SLC24A2: variants seen among roughly 807,000 people sequenced by gnomAD.
The protein encoded by SLC24A2 is sodium/potassium/calcium exchanger 2.
Under a neutral mutation model 62.0 loss-of-function variants are expected in SLC24A2, and 36 were observed. The observed-to-expected ratio is 0.58, with a 90% confidence interval of 0.44 to 0.77. The LOEUF (loss-of-function observed/expected upper bound fraction) is 0.77, where lower values mean the gene tolerates loss of function less well. Ranked by LOEUF, SLC24A2 falls within the 30% of genes least tolerant of loss-of-function variation. SLC24A2 has a pLI of 0.00. For synonymous variants in SLC24A2, 358 were observed against 294.0 expected (o/e 1.22, Z -2.23); for missense variants, 846 against 817.9 (o/e 1.03, Z -0.42).
At chr9:19,606,658 GCA>G (rs537134225) in intron 4 of SLC24A2, among the ~76,000 whole-genome samples, 1 of 151,492 alleles carries the variant, frequency 6.6e-6, no homozygotes, top group East Asian at 1.9e-4. Context: ...ACACACACAC[GCA>G]CACACACACA....
At chr9:19,996,880 A>C in the SLC24A2 span, among the ~76,000 whole-genome samples, 4 of 152,140 alleles carry the variant, frequency 2.6e-5, no homozygotes, top group Admixed American at 2.6e-4. Context: ...ATAAGGAGCC[A>C]TTAGAAGGTA....
At chr9:19,942,048 C>A in the SLC24A2 span, among the ~76,000 whole-genome samples, 1 of 152,172 alleles carries the variant, frequency 6.6e-6, no homozygotes, top group Non-Finnish European at 1.5e-5. Context: ...ACTACTCTGA[C>A]TCTTCACTTT....
the SLC24A2 span, among the ~76,000 whole-genome samples, chr9:20,235,489 T>C: frequency 6.6e-6 from 1 of 152,196 alleles, no homozygotes; most frequent in East Asian, 1.9e-4. Context: ...ATTGCTGTGC[T>C]AGCAATGAGC....
chr9:20,230,544 G>C, the SLC24A2 span, among the ~76,000 whole-genome samples: 1 of 152,258 alleles, frequency 6.6e-6, no homozygotes, highest in South Asian at 2.1e-4. Flanking sequence ...TTTGAGTAGT[G>C]TCTGTTCATA....
rs1832748671 is a variant in SLC24A2 at position 19,512,328 on chromosome 9, A to AAAGC, written c.*3821_*3824dup. 1 of 152,276 alleles carries AAAGC rather than the reference A, an allele frequency of 6.6e-6. No homozygotes were observed. Among genetic ancestry groups the AAAGC allele is most frequent in the Admixed American group, 6.5e-5 (1 of 15,284 alleles). 9.4% of individuals were successfully genotyped at this position (152,276 alleles called of 1,614,324 possible). ...AGGTGACACCTGTTAGAAGCCTTAC[A>AAAGC]AAGCATTTTTCCTGAATATAAAACA... is the stretch of plus-strand genomic sequence containing the variant. On this transcript the variant is annotated 3_prime_UTR_variant, in exon 11 of 11. Transcript: ENST00000341998.
At chr9:20,297,441 G>A in the SLC24A2 span, among the ~76,000 whole-genome samples, 2 of 152,198 alleles carry the variant, frequency 1.3e-5, no homozygotes, top group Admixed American at 6.5e-5. Context: ...GGAAACCAGG[G>A]GAAGGTGGGA....
chr9:19,661,532 G>A (rs956565913), intron 2 of SLC24A2, among the ~76,000 whole-genome samples: 1 of 152,200 alleles, frequency 6.6e-6, no homozygotes, highest in African/African-American at 2.4e-5. Context: ...AAAATACAAT[G>A]TTGGACCAAT....
the SLC24A2 span, among the ~76,000 whole-genome samples, chr9:20,013,215 A>G: frequency 7.0e-6 from 1 of 142,866 alleles, no homozygotes; most frequent in South Asian, 2.2e-4. Context: ...ACATCTACCA[A>G]TGAAACAGGA....
the SLC24A2 span, among the ~76,000 whole-genome samples, chr9:19,960,396 T>C: frequency 6.6e-6 from 1 of 152,198 alleles, no homozygotes; most frequent in South Asian, 2.1e-4. Context: ...TTGACTTCAC[T>C]GTGCATTCGT....
intron 5 of SLC24A2, among the ~76,000 whole-genome samples, chr9:19,592,537 C>CCTACCTAT (rs1187428434): frequency 2.7e-5 from 3 of 109,984 alleles, no homozygotes; most frequent in Non-Finnish European, 4.0e-5. Context: ...TACCTACCTA[C>CCTACCTAT]CTACCTATCT....
the SLC24A2 span, among the ~76,000 whole-genome samples, chr9:20,240,469 G>C: frequency 6.6e-6 from 1 of 152,172 alleles, no homozygotes; most frequent in African/African-American, 2.4e-5. Context: ...GCATCACGCT[G>C]TGGGATTTGA....
At chr9:20,136,015 G>T in the SLC24A2 span, among the ~76,000 whole-genome samples, 1 of 152,114 alleles carries the variant, frequency 6.6e-6, no homozygotes, top group Admixed American at 6.5e-5. Context: ...TGGTGGCTGG[G>T]CATTGGGAGT....
intron 9 of SLC24A2, 141 bp from the exon 10 acceptor site, chr9:19,521,201 C>T (rs1833182544): frequency 1.3e-6 from 1 of 770,454 alleles, no homozygotes. Flanking sequence ...GATGAATAAG[C>T]CACAGTCATT....
At chr9:19,717,974 CTTTTTTT>C (rs373497951) in intron 2 of SLC24A2, among the ~76,000 whole-genome samples, 2 of 135,318 alleles carry the variant, frequency 1.5e-5, no homozygotes, top group South Asian at 2.4e-4. Flanking sequence ...TGATTTAAAA[CTTTTTTT>C]TTTTTTTTTT....
At chr9:19,603,608 T>G (rs749389123) in intron 4 of SLC24A2, among the ~76,000 whole-genome samples, 5 of 152,124 alleles carry the variant, frequency 3.3e-5, no homozygotes, top group Non-Finnish European at 7.4e-5. Context: ...TTCTGTCTTT[T>G]CTGCTCCATT....
the SLC24A2 span, among the ~76,000 whole-genome samples, chr9:20,134,602 G>A: frequency 2.0e-5 from 3 of 152,168 alleles, no homozygotes; most frequent in African/African-American, 7.2e-5. Flanking sequence ...AACTGAAGAT[G>A]TAAGAAAATT....
chr9:19,720,035 T>C (rs1375306718), intron 2 of SLC24A2, among the ~76,000 whole-genome samples: 2 of 152,076 alleles, frequency 1.3e-5, no homozygotes, highest in African/African-American at 4.8e-5. Context: ...GGCTGGGAAG[T>C]GACATAAATG....
chr9:19,905,412 T>C, the SLC24A2 span, among the ~76,000 whole-genome samples: 1 of 152,004 alleles, frequency 6.6e-6, no homozygotes, highest in Non-Finnish European at 1.5e-5. Context: ...ACCTCTTTTT[T>C]TTTTTTTTCT....
At chr9:20,232,958 T>C in the SLC24A2 span, among the ~76,000 whole-genome samples, 1 of 152,220 alleles carries the variant, frequency 6.6e-6, no homozygotes, top group East Asian at 1.9e-4. Flanking sequence ...AGAACATCTT[T>C]ATTTCTGCCT....
Sources: allele counts gnomAD v4.1 joint callset (sites outside exome capture counted in the v4.1 genomes callset), GRCh38; gene constraint gnomAD v4.1.1; transcripts MANE v1.5; gene names NCBI Gene and HGNC (gene_info 2026-07-23, HGNC 2026-07-21).